Variants in MTHFD1L observed in about 807,000 individuals in gnomAD.
The protein encoded by MTHFD1L is methylenetetrahydrofolate dehydrogenase (NADP+ dependent) 1 like, also known as monofunctional C1-tetrahydrofolate synthase, mitochondrial.
A neutral mutation model predicts 119.5 loss-of-function variants in MTHFD1L; 81 were observed. The ratio of observed to expected loss-of-function variants is 0.68; its 90% CI spans 0.57 to 0.82. MTHFD1L has a LOEUF of 0.82. Ranked by LOEUF, MTHFD1L falls within the 40% of genes least tolerant of loss-of-function variation. The pLI is 0.00. For missense variants in MTHFD1L, 1,125 were observed against 1,253.4 expected, an observed-to-expected ratio of 0.90 and a Z score of 1.55; for synonymous variants, 430 against 475.2, an observed-to-expected ratio of 0.90 and a Z score of 1.24.
intron 9 of MTHFD1L, among the ~76,000 whole-genome samples, chr6:150,921,622 A>C (rs550195593): frequency 6.6e-6 from 1 of 152,054 alleles, no homozygotes; most frequent in South Asian, 2.1e-4. Flanking sequence ...ATCTTGACTC[A>C]CTGCAGCCTC....
At chr6:150,960,619 G>A (rs898184711) in intron 18 of MTHFD1L, among the ~76,000 whole-genome samples, 2 of 152,160 alleles carry the variant, frequency 1.3e-5, no homozygotes, top group South Asian at 2.1e-4. Flanking sequence ...CTTATGCCTG[G>A]CTGCAACAAA....
chr6:151,016,072 G>A (rs1157471579), intron 24 of MTHFD1L, among the ~76,000 whole-genome samples: 4 of 152,152 alleles, frequency 2.6e-5, no homozygotes, highest in Admixed American at 1.3e-4. Context: ...CAGCCTGGGC[G>A]ACAGAGTGAG....
chr6:150,936,394 A>G, intron 11 of MTHFD1L, among the ~76,000 whole-genome samples: 1 of 152,142 alleles, frequency 6.6e-6, no homozygotes, highest in Non-Finnish European at 1.5e-5. Flanking sequence ...AGGACCGTTG[A>G]GCTAGGCCCT....
At chr6:150,875,312 G>A (rs1387202897) in intron 1 of MTHFD1L, among the ~76,000 whole-genome samples, 2 of 152,056 alleles carry the variant, frequency 1.3e-5, no homozygotes, top group African/African-American at 2.4e-5. Context: ...GCCTCTCAAA[G>A]TGCTGGGACT....
At chr6:151,038,355 A>C (rs1786515655) in intron 26 of MTHFD1L, among the ~76,000 whole-genome samples, 2 of 152,098 alleles carry the variant, frequency 1.3e-5, no homozygotes, top group Non-Finnish European at 2.9e-5. Flanking sequence ...AAGGCACCAA[A>C]GTACTAATAC....
intron 20 of MTHFD1L, among the ~76,000 whole-genome samples, chr6:150,995,180 A>G (rs1779654931): frequency 1.3e-5 from 2 of 152,074 alleles, no homozygotes; most frequent in Admixed American, 6.6e-5. Context: ...AGATGGGAAC[A>G]TGAGAATTAT....
chr6:150,981,691 T>TGAG (rs1329401665), intron 20 of MTHFD1L, among the ~76,000 whole-genome samples: 2 of 152,196 alleles, frequency 1.3e-5, no homozygotes, highest in African/African-American at 4.8e-5. Context: ...TGTTTAGGAA[T>TGAG]GAGTCTGGCT....
In MTHFD1L at chr6:150,877,681, G is replaced by A; in HGVS notation, c.360G>A (p.Glu120=). 1 of 1,614,194 alleles carries A rather than the reference G, an allele frequency of 6.2e-7. No individual in the cohort carries two copies. Among genetic ancestry groups the A allele is most frequent in the East Asian group, 2.2e-5 (1 of 44,886 alleles). The part of the protein sequence containing the change: ...LMQEINQNLA[E]EAGLNITHIC... ...AGGAAATCAACCAGAATTTGGCTGA[G>A]GAGGTGAGGACTGCTGCTTTTAAAA... Residue 120 remains glutamate, a synonymous_variant, in exon 3 of 28, where the codon GAG becomes GAA. Transcript: ENST00000367321.
intron 1 of MTHFD1L, among the ~76,000 whole-genome samples, chr6:150,871,891 A>ATTTTATTTTTTTTTTTTTTT: frequency 4.8e-5 from 7 of 147,050 alleles, no homozygotes; most frequent in African/African-American, 1.8e-4. Context: ...ATTTTATTTT[A>ATTTTATTTTTTTTTTTTTTT]TTTTTTGAGA....
chr6:150,967,402 C>T (rs202188073), intron 19 of MTHFD1L, among the ~76,000 whole-genome samples: 2 of 143,010 alleles, frequency 1.4e-5, no homozygotes, highest in African/African-American at 5.0e-5. Flanking sequence ...TCTGATGACC[C>T]CTCACCTTTT....
intron 10 of MTHFD1L, among the ~76,000 whole-genome samples, chr6:150,922,519 AT>A (rs67151732): frequency 3.3e-5 from 5 of 151,472 alleles, no homozygotes; most frequent in East Asian, 1.9e-4. Flanking sequence ...AAGAAGGCAT[AT>A]TTTTTTATTT....
chr6:151,045,580 G>A (rs1322226043), intron 26 of MTHFD1L, among the ~76,000 whole-genome samples: 1 of 152,168 alleles, frequency 6.6e-6, no homozygotes, highest in Non-Finnish European at 1.5e-5. Flanking sequence ...GCCAGGTTTG[G>A]CTCATGCTCT....
chr6:150,918,144 C>T (rs1285455355), intron 8 of MTHFD1L, among the ~76,000 whole-genome samples: 3 of 148,018 alleles, frequency 2.0e-5, no homozygotes, highest in Non-Finnish European at 4.4e-5. Context: ...TGGCTCACTG[C>T]AACCTCCACC....
chr6:150,935,018 A>G, intron 11 of MTHFD1L: 2 of 1,611,218 alleles, frequency 1.2e-6, no homozygotes, highest in Non-Finnish European at 1.7e-6. Context: ...ACCTGCCTTC[A>G]TTCAGTCCTT....
intron 19 of MTHFD1L, among the ~76,000 whole-genome samples, chr6:150,965,289 A>C (rs1202193604): frequency 6.6e-6 from 1 of 152,168 alleles, no homozygotes; most frequent in African/African-American, 2.4e-5. Context: ...ACCAAAAAAA[A>C]AAATTTTTAA....
At position 150,894,072 on chromosome 6, in the gene MTHFD1L, A is replaced by G. The variant is rs186298967; in HGVS notation, c.780+6091A>G. ...CAGCCTGGCAACATGGCGAAACTCC[A>G]TCTCTAAAAAAGTACAAAAATTAGC... On this transcript the variant is annotated intron_variant, in intron 7 of 27. Coordinates refer to ENST00000367321, the MANE Select transcript of MTHFD1L (RefSeq NM_015440.5). Among the ~76,000 whole-genome samples, 48 of 152,242 alleles carry G rather than the reference A, an allele frequency of 3.2e-4. 1 individual carries two copies. Among genetic ancestry groups the G allele is most frequent in the African/African-American group, 1.1e-3 (44 of 41,528 alleles).
At chr6:151,038,038 A>G (rs1298124052) in intron 26 of MTHFD1L, among the ~76,000 whole-genome samples, 2 of 152,260 alleles carry the variant, frequency 1.3e-5, no homozygotes, top group African/African-American at 4.8e-5. Flanking sequence ...TAAAAAGTGC[A>G]GATTCTTGCC....
At chr6:151,031,623 A>G (rs969620040) in intron 24 of MTHFD1L, among the ~76,000 whole-genome samples, 8 of 152,254 alleles carry the variant, frequency 5.3e-5, no homozygotes, top group African/African-American at 1.9e-4. Flanking sequence ...ACTTGCATAT[A>G]TCTTCTTCCA....
At chr6:150,872,435 G>A (rs915221259) in intron 1 of MTHFD1L, among the ~76,000 whole-genome samples, 14 of 152,082 alleles carry the variant, frequency 9.2e-5, no homozygotes, top group African/African-American at 3.4e-4. Flanking sequence ...TTTCAATATT[G>A]TTGTTTCTCA....
Sources: allele counts gnomAD v4.1 joint callset (sites outside exome capture counted in the v4.1 genomes callset), GRCh38; gene constraint gnomAD v4.1.1; transcripts MANE v1.5; gene names NCBI Gene and HGNC (gene_info 2026-07-23, HGNC 2026-07-21).